FDXR: variants seen among roughly 807,000 people sequenced by gnomAD.
FDXR encodes NADPH:adrenodoxin oxidoreductase, mitochondrial.
Under a neutral mutation model 58.3 loss-of-function variants are expected in FDXR, and 38 were observed. The observed-to-expected ratio is 0.65, with a 90% CI of 0.50 to 0.85. The LOEUF (loss-of-function observed/expected upper bound fraction) is 0.85. FDXR is among the 40% of genes least tolerant of loss of function. The pLI, the probability that FDXR is intolerant of heterozygous loss-of-function variation, is 0.00. For synonymous variants in FDXR, 275 were observed against 273.8 expected (o/e 1.00, Z -0.04); for missense variants, 624 against 671.0 (o/e 0.93, Z 0.77).
rs762886484 is a variant in FDXR at position 74,872,984 on chromosome 17, T to C, written c.-40A>G. 2.0e-6 allele frequency: 3 copies of C among 1,529,480 alleles called. No homozygotes were observed. Among genetic ancestry groups the C allele is most frequent in the Non-Finnish European group, 2.6e-6 (3 of 1,132,702 alleles). 94.7% of individuals were successfully genotyped at this position (1,529,480 alleles called of 1,614,324 possible). A position where few individuals can be genotyped will look rare whatever the true frequency, so the allele number is the denominator to read the frequency against. ...ACCTGCAAGTGGATCTGTTCCTAGCTACTGCTCCGCAGGGCAAGCCCGCTC... is the reference window on the plus strand; with the variant it reads ...ACCTGCAAGTGGATCTGTTCCTAGCCACTGCTCCGCAGGGCAAGCCCGCTC... On this transcript the variant is annotated 5_prime_UTR_variant, in exon 1 of 12. Transcript: ENST00000293195.
chr17:74,867,958 C>A (rs1176244307), intron 2 of FDXR, among the ~76,000 whole-genome samples: 1 of 152,130 alleles, frequency 6.6e-6, no homozygotes, highest in African/African-American at 2.4e-5. Flanking sequence ...CCACAGCTGA[C>A]ACGCCCAGCC....
chr17:74,862,870 G>T lies in FDXR; in HGVS notation c.1423C>A (p.Pro475Thr). ...EVARGQGTGK[P>T]REKLVDPQEM... Reference sequence around the variant, plus strand: ...TGAGGATCCACCAGCTTCTCCCTGGGCTTCCCCGTGCCCTGGCCCCGGGCC... The same window carrying T: ...TGAGGATCCACCAGCTTCTCCCTGGTCTTCCCCGTGCCCTGGCCCCGGGCC... The change falls in exon 12 of 12, where the codon CCC becomes ACC. Residue 475 changes from proline to threonine, a missense_variant. Physicochemically the swap from Pro to Thr is conservative, Grantham distance 38. Coordinates refer to ENST00000293195, the MANE Select transcript of FDXR (RefSeq NM_024417.5). 1 of 1,613,094 alleles carries T rather than the reference G, an allele frequency of 6.2e-7. No homozygotes were observed.
At position 74,863,233 on chromosome 17, in the gene FDXR, G is replaced by A. The variant is rs767058571; in HGVS notation, c.1188C>T (p.Ser396=). The part of the protein sequence containing the change: ...RVMDVPGLYC[S]GWVKRGPTGV... Reference sequence around the variant, plus strand: ...CTGTAGGTCCTCTCTTCACCCAGCCGCTGCAGTAGAGGCCTGAGAGGGGGT... The same window carrying A: ...CTGTAGGTCCTCTCTTCACCCAGCCACTGCAGTAGAGGCCTGAGAGGGGGT... Residue 396 remains serine, a synonymous_variant, in exon 11 of 12, where the codon AGC becomes AGT. Coordinates refer to ENST00000293195, the MANE Select transcript of FDXR (RefSeq NM_024417.5). The A allele has an allele frequency of 3.2e-5, 51 of 1,612,506 alleles. No individual in the cohort carries two copies. The highest frequency in any genetic ancestry group is 1.6e-4 in the Middle Eastern group (1 of 6,082).
Position 74,866,260 on chromosome 17 carries a change from A to G in FDXR, c.394-16T>C. On this transcript the variant is annotated splice_polypyrimidine_tract_variant and intron_variant, in intron 4 of 11. Transcript: ENST00000293195. ...CCCCGTAGCTCTGATGAAAGATGGC[A>G]GGCCCGAGACCCACAGCCTTCAGCA... 1 of 1,608,356 alleles carries G rather than the reference A, an allele frequency of 6.2e-7. No homozygotes were observed. Among genetic ancestry groups the G allele is most frequent in the Non-Finnish European group, 8.5e-7 (1 of 1,175,680 alleles).
chr17:74,870,201 C>A, intron 2 of FDXR: 2 of 281,928 alleles, frequency 7.1e-6, no homozygotes, highest in South Asian at 2.9e-5. Flanking sequence ...CACGTGTCTG[C>A]CAGCTGAATA....
rs150202166 is a variant in FDXR, at chr17:74,872,471, C to G, written c.80-338G>C. 145 of 637,378 alleles carry G rather than the reference C, an allele frequency of 2.3e-4. 1 individual carries two copies. The East Asian group carries it at 3.8e-3, about 17-fold the overall frequency. 39.5% of individuals were successfully genotyped at this position (637,378 alleles called of 1,614,324 possible). A position where few individuals can be genotyped will look rare whatever the true frequency, so the allele number is the denominator to read the frequency against. ...ATCCCAATCTCGCCCCCGTGGGTCT[C>G]CCCACGGTGTCCCTCCTCTAACCCC... is the stretch of plus-strand genomic sequence containing the variant. On this transcript the variant is annotated intron_variant, in intron 1 of 11. Coordinates refer to ENST00000293195, the MANE Select transcript of FDXR (RefSeq NM_024417.5).
chr17:74,867,679 C>G (rs113306036), intron 2 of FDXR, among the ~76,000 whole-genome samples: 3,543 of 152,278 alleles, frequency 0.023, 138 homozygotes, highest in African/African-American at 0.08. Context: ...GTCTCAGGCA[C>G]TGGTTCTGCA....
chr17:74,868,055 C>T (rs1464207400), intron 2 of FDXR, among the ~76,000 whole-genome samples: 1 of 151,546 alleles, frequency 6.6e-6, no homozygotes, highest in Non-Finnish European at 1.5e-5. Flanking sequence ...AGTCTCCCTA[C>T]CCCCAACAAA....
rs1441316956 is a variant in FDXR, at chr17:74,866,449, C to T, written c.390G>A (p.Val130=). Residue 130 remains valine (V), a synonymous_variant, in exon 4 of 12, where the codon GTG becomes GTA. Transcript: ENST00000293195. ...GCCAGGGCCTAGCTGCACTCACCAG[C>T]ACCACAGCGTGGTAGGCCTCCTGCA... ...PELQEAYHAV[V]LSYGAEDHRA... 3 of 1,613,082 alleles carry T rather than the reference C, an allele frequency of 1.9e-6. No individual in the cohort carries two copies. Among genetic ancestry groups the T allele is most frequent in the Non-Finnish European group, 2.5e-6 (3 of 1,179,752 alleles).
rs772780318 is a variant in FDXR at position 74,863,106 on chromosome 17, C to A, written c.1315G>T (p.Ala439Ser). ...CTGCTGAGCAGGGCCTGGATGGCTG[C>A]GTAGCCAGGCCTGGGGCCAGAGGGG... is the stretch of plus-strand genomic sequence containing the variant. ...LLPSGPRPGY[A>S]AIQALLSSRG... The change falls in exon 11 of 12, where the codon GCA (alanine) becomes TCA (serine). Residue 439 changes from alanine to serine, a missense_variant. Physicochemically the swap from Ala to Ser is moderately conservative, Grantham distance 99. Transcript: ENST00000293195. 6.2e-7 allele frequency: 1 copy of A among 1,613,170 alleles called. No individual in the cohort carries two copies. Among genetic ancestry groups the A allele is most frequent in the Non-Finnish European group, 8.5e-7 (1 of 1,179,878 alleles).
intron 2 of FDXR, among the ~76,000 whole-genome samples, chr17:74,867,613 G>C (rs577201260): frequency 6.6e-6 from 1 of 152,112 alleles, no homozygotes; most frequent in Non-Finnish European, 1.5e-5. Flanking sequence ...GGGCACGGCT[G>C]GGAATTCACG....
chr17:74,863,369 C>T (rs1459659034), intron 10 of FDXR, 123 bp from the exon 11 acceptor site: 3 of 943,080 alleles, frequency 3.2e-6, no homozygotes, highest in East Asian at 2.7e-5. Flanking sequence ...GGCAGACTGT[C>T]GGCTGAGCCT....
Position 74,866,259 on chromosome 17 carries a change from C to T in FDXR, c.394-15G>A. On this transcript the variant is annotated splice_polypyrimidine_tract_variant and intron_variant, in intron 4 of 11. Coordinates refer to ENST00000293195, the MANE Select transcript of FDXR (RefSeq NM_024417.5). ...GCCCCGTAGCTCTGATGAAAGATGGCAGGCCCGAGACCCACAGCCTTCAGC... is the reference window on the plus strand; with the variant it reads ...GCCCCGTAGCTCTGATGAAAGATGGTAGGCCCGAGACCCACAGCCTTCAGC... 1 of 1,608,066 alleles carries T rather than the reference C, an allele frequency of 6.2e-7. No homozygotes were observed. The highest frequency in any genetic ancestry group is 8.5e-7 in the Non-Finnish European group (1 of 1,175,472).
intron 2 of FDXR, chr17:74,868,746 C>T (rs938511311): frequency 6.7e-7 from 1 of 1,498,450 alleles, no homozygotes; most frequent in African/African-American, 1.4e-5. Context: ...CTAACAAGGA[C>T]ATTCTCTGAG....
chr17:74,863,400 G>A (rs1381243659), intron 10 of FDXR, among the ~76,000 whole-genome samples, 154 bp from the exon 11 acceptor site: 1 of 152,214 alleles, frequency 6.6e-6, no homozygotes, highest in African/African-American at 2.4e-5. Flanking sequence ...CTGGTCCACT[G>A]CCCTGGATTC....
At position 74,863,781 on chromosome 17, in the gene FDXR, C is replaced by T. The variant is rs796483468; in HGVS notation, c.1174+115G>A. The T allele has an allele frequency of 5.0e-5, 67 of 1,349,388 alleles. 2 individuals are homozygous for T. In the South Asian group the frequency reaches 8.6e-4, roughly 17 times the overall value. The allele number at this position is 1,349,388 out of a possible 1,614,324, so 83.6% of individuals were successfully genotyped here. ...GCACTGGGTCCTAGAGAGGGCCTGCCCTGCAGAAGCTTCTCAGTACATGTT... is the reference window on the plus strand; with the variant it reads ...GCACTGGGTCCTAGAGAGGGCCTGCTCTGCAGAAGCTTCTCAGTACATGTT... On this transcript the variant is annotated intron_variant, in intron 10 of 11. Transcript: ENST00000293195.
chr17:74,871,975 T>C, intron 2 of FDXR, 61 bp downstream of exon 2: 1 of 1,337,982 alleles, frequency 7.5e-7, no homozygotes, highest in East Asian at 2.4e-5. Flanking sequence ...CCAAAGCGGG[T>C]GAGGCTTGCC....
At chr17:74,865,382 G>A (rs1221691964) in intron 6 of FDXR, among the ~76,000 whole-genome samples, 1 of 152,104 alleles carries the variant, frequency 6.6e-6, no homozygotes, top group East Asian at 1.9e-4. Context: ...ACCAATTCAG[G>A]GAAGTCCTGG....
rs147145771 is a variant in FDXR at position 74,864,027 on chromosome 17, A to T, written c.1043T>A (p.Met348Lys). ...CACCAGCCCACAAGGGAGGTCTTCCATGTCTCCCGTGGGCACTGCACGGGT... is the reference window on the plus strand; with the variant it reads ...CACCAGCCCACAAGGGAGGTCTTCCTTGTCTCCCGTGGGCACTGCACGGGT... ...EATRAVPTGD[M>K]EDLPCGLVLS... The change falls in exon 10 of 12, where the codon ATG (methionine) becomes AAG (lysine). Residue 348 changes from methionine to lysine, a missense_variant. Physicochemically the swap from Met to Lys is moderately conservative, Grantham distance 95. Coordinates refer to ENST00000293195, the MANE Select transcript of FDXR (RefSeq NM_024417.5). 266 of 1,613,872 alleles carry T rather than the reference A, an allele frequency of 1.6e-4. No individual in the cohort carries two copies. Among genetic ancestry groups the T allele is most frequent in the Non-Finnish European group, 2.2e-4 (257 of 1,180,022 alleles).
Sources: gnomAD v4.1 joint callset for allele counts (sites outside exome capture counted in the v4.1 genomes callset) on GRCh38, gnomAD v4.1.1 for gene constraint, MANE v1.5 for transcripts, NCBI Gene and HGNC (gene_info 2026-07-23, HGNC 2026-07-21) for gene names.